The following TRPM3 variants were observed in gnomAD, a reference collection of about 807,000 sequenced individuals.
TRPM3 encodes the protein long transient receptor potential channel 3.
Under a neutral mutation model 181.2 loss-of-function variants are expected in TRPM3, and 77 were observed. The observed-to-expected ratio is 0.42, with a 90% confidence interval of 0.35 to 0.51. The LOEUF (loss-of-function observed/expected upper bound fraction) is 0.51, where lower values mean the gene tolerates loss of function less well. Ranked by LOEUF, TRPM3 falls within the 20% of genes least tolerant of loss-of-function variation. TRPM3 has a pLI of 0.01. For missense variants in TRPM3, 1,759 were observed against 2,196.7 expected (o/e 0.80, Z 3.98); for synonymous variants, 745 against 796.4 (o/e 0.94, Z 1.09).
intron 1 of TRPM3, chr9:70,917,234 G>T: frequency 6.4e-7 from 1 of 1,569,920 alleles, no homozygotes; most frequent in Non-Finnish European, 8.8e-7. Flanking sequence ...CAGGGCAATA[G>T]CAGTGAGTGC....
chr9:71,260,764 C>A (rs778750617), intron 1 of TRPM3, among the ~76,000 whole-genome samples: 1 of 152,206 alleles, frequency 6.6e-6, no homozygotes, highest in Admixed American at 6.5e-5. Context: ...TGCTTATCAA[C>A]TTAAGGCGTT....
intron 1 of TRPM3, among the ~76,000 whole-genome samples, chr9:70,875,792 T>A (rs1343555229): frequency 6.6e-6 from 1 of 151,894 alleles, no homozygotes; most frequent in Non-Finnish European, 1.5e-5. Flanking sequence ...TGATAACAAA[T>A]CAATCCCATT....
At chr9:70,749,338 A>G (rs1220750784) in intron 8 of TRPM3, among the ~76,000 whole-genome samples, 1 of 152,202 alleles carries the variant, frequency 6.6e-6, no homozygotes. Context: ...ATGTTACCAT[A>G]CTATAAAGTC....
chr9:70,748,303 G>A lies in TRPM3; in HGVS notation c.1272+13298C>T, dbSNP rs181290858. Among the ~76,000 whole-genome samples the A allele has an allele frequency of 1.2e-3, 185 of 152,224 alleles. 1 individual carries two copies. The highest frequency in any genetic ancestry group is 4.2e-3 in the African/African-American group (173 of 41,546). On this transcript the variant is annotated intron_variant, in intron 8 of 25. Coordinates refer to ENST00000677713, the MANE Select transcript of TRPM3 (RefSeq NM_001366145.2). ...TGCTGCCCTGCCCAAGAGAGAATGT[G>A]GTGTTAATGAGGTATTAGAGCCATA...
chr9:70,850,651 C>T (rs2095190219), intron 3 of TRPM3, among the ~76,000 whole-genome samples: 1 of 152,128 alleles, frequency 6.6e-6, no homozygotes, highest in Non-Finnish European at 1.5e-5. Context: ...CTGTACACTG[C>T]TACTTGAGTA....
chr9:71,111,085 AC>A (rs1160951520), intron 1 of TRPM3, among the ~76,000 whole-genome samples: 2 of 152,218 alleles, frequency 1.3e-5, no homozygotes, highest in African/African-American at 4.8e-5. Context: ...TTAAAAAACA[AC>A]ATATATGGAA....
At chr9:71,042,768 C>G (rs139878069) in intron 1 of TRPM3, among the ~76,000 whole-genome samples, 204 of 152,254 alleles carry the variant, frequency 1.3e-3, no homozygotes, top group Non-Finnish European at 1.2e-3. Context: ...ATTTTTCAAA[C>G]AGCAGAGTCC....
chr9:71,287,147 A>G (rs918634755), intron 1 of TRPM3, among the ~76,000 whole-genome samples: 1 of 146,932 alleles, frequency 6.8e-6, no homozygotes, highest in Non-Finnish European at 1.5e-5. Context: ...AAAATATATA[A>G]ATAATAAATA....
At chr9:70,695,769 G>A (rs7854884) in intron 8 of TRPM3, among the ~76,000 whole-genome samples, 3 of 151,936 alleles carry the variant, frequency 2.0e-5, no homozygotes, top group Non-Finnish European at 4.4e-5. Context: ...CCCACAAAAG[G>A]ATACTCCTTA....
intron 1 of TRPM3, among the ~76,000 whole-genome samples, chr9:71,379,127 T>C (rs1471190077): frequency 6.6e-6 from 1 of 152,046 alleles, no homozygotes; most frequent in Non-Finnish European, 1.5e-5. Context: ...ATTTAAATAA[T>C]CTGATTTCAA....
intron 1 of TRPM3, among the ~76,000 whole-genome samples, chr9:71,315,871 A>C (rs1565454567): frequency 6.6e-6 from 1 of 152,184 alleles, no homozygotes; most frequent in Non-Finnish European, 1.5e-5. Context: ...TTATCTATTT[A>C]AGTCAAAAAC....
chr9:71,221,545 G>C (rs2080241082), intron 1 of TRPM3, among the ~76,000 whole-genome samples: 1 of 151,868 alleles, frequency 6.6e-6, no homozygotes, highest in African/African-American at 2.4e-5. Flanking sequence ...GAGAAATCTG[G>C]TGTGTTTTTG....
At chr9:71,184,724 T>G (rs2134942255) in intron 1 of TRPM3, among the ~76,000 whole-genome samples, 1 of 152,246 alleles carries the variant, frequency 6.6e-6, no homozygotes, top group Middle Eastern at 3.4e-3. Flanking sequence ...TTGCCCCATT[T>G]TTTTCTCCTT....
At chr9:71,169,033 T>A in intron 1 of TRPM3, among the ~76,000 whole-genome samples, 1 of 152,120 alleles carries the variant, frequency 6.6e-6, no homozygotes, top group East Asian at 1.9e-4. Flanking sequence ...GCAGGTTGTA[T>A]CAGGCATTGG....
chr9:71,202,269 G>T (rs1011730125), intron 1 of TRPM3, among the ~76,000 whole-genome samples: 1 of 151,610 alleles, frequency 6.6e-6, no homozygotes, highest in East Asian at 1.9e-4. Flanking sequence ...TAGGCTGCTC[G>T]GGGGTCAGGG....
At chr9:70,860,944 T>C (rs1043411184) in intron 3 of TRPM3, among the ~76,000 whole-genome samples, 1 of 152,094 alleles carries the variant, frequency 6.6e-6, no homozygotes, top group African/African-American at 2.4e-5. Context: ...GCTCAGAAAA[T>C]TTAAGTAATT....
chr9:70,877,392 A>G (rs1245595584), intron 1 of TRPM3, among the ~76,000 whole-genome samples: 1 of 152,066 alleles, frequency 6.6e-6, no homozygotes, highest in African/African-American at 2.4e-5. Flanking sequence ...TTGCTTCTTT[A>G]AAGTGACACA....
intron 8 of TRPM3, among the ~76,000 whole-genome samples, chr9:70,691,561 C>T (rs779747549): frequency 2.6e-5 from 4 of 152,124 alleles, no homozygotes; most frequent in African/African-American, 9.7e-5. Context: ...TGCCAGAGAA[C>T]GACAGAGGTT....
At chr9:71,157,738 T>C (rs1007845452) in intron 1 of TRPM3, among the ~76,000 whole-genome samples, 1 of 152,126 alleles carries the variant, frequency 6.6e-6, no homozygotes, top group South Asian at 2.1e-4. Context: ...TGGTCCAACA[T>C]TTAACTGACA....
Sources: gnomAD v4.1 joint callset for allele counts (sites outside exome capture counted in the v4.1 genomes callset) on GRCh38, gnomAD v4.1.1 for gene constraint, MANE v1.5 for transcripts, NCBI Gene and HGNC (gene_info 2026-07-23, HGNC 2026-07-21) for gene names.